GPHN: variants seen among roughly 807,000 people sequenced by gnomAD.
The protein encoded by GPHN is gephyrin.
Under a neutral mutation model 95.5 loss-of-function variants are expected in GPHN, and 17 were observed. The observed-to-expected ratio is 0.18, with a 90% CI of 0.12 to 0.27. The LOEUF (loss-of-function observed/expected upper bound fraction) is 0.27, where lower values mean the gene tolerates loss of function less well. GPHN is among the 10% of genes least tolerant of loss of function. GPHN has a pLI of 1.00. For missense variants in GPHN, 660 were observed against 978.1 expected (o/e 0.67, Z 4.34); for synonymous variants, 320 against 322.5 (o/e 0.99, Z 0.08).
At chr14:67,489,906 C>T in the GPHN span, among the ~76,000 whole-genome samples, 3 of 151,852 alleles carry the variant, frequency 2.0e-5, no homozygotes, top group Non-Finnish European at 4.4e-5. Flanking sequence ...AGGAGAATGG[C>T]GTGAACCTGG....
At chr14:67,352,040 T>C in the GPHN span, among the ~76,000 whole-genome samples, 1 of 151,922 alleles carries the variant, frequency 6.6e-6, no homozygotes, top group African/African-American at 2.4e-5. Flanking sequence ...ATCCCAGTGC[T>C]TTGGAAGGAT....
At chr14:67,508,135 C>CAAAAAAAAAAAAAAAAAAAA in the GPHN span, among the ~76,000 whole-genome samples, 9 of 130,628 alleles carry the variant, frequency 6.9e-5, no homozygotes, top group African/African-American at 2.7e-4. Context: ...AACTCCATCT[C>CAAAAAAAAAAAAAAAAAAAA]AAAAAAAAAA....
intron 8 of GPHN, among the ~76,000 whole-genome samples, chr14:66,960,441 G>A (rs2068819840): frequency 6.6e-6 from 1 of 151,876 alleles, no homozygotes; most frequent in South Asian, 2.1e-4. Flanking sequence ...TTCAGCAGTA[G>A]TAGTTATTTG....
chr14:66,570,354 G>C (rs918292584), intron 1 of GPHN, among the ~76,000 whole-genome samples: 2 of 127,748 alleles, frequency 1.6e-5, no homozygotes, highest in African/African-American at 6.0e-5. Flanking sequence ...GCCCAGGCTT[G>C]AGTGCAGTGG....
chr14:67,213,094 TG>T, the GPHN span, among the ~76,000 whole-genome samples: 8 of 135,450 alleles, frequency 5.9e-5, no homozygotes, highest in East Asian at 2.4e-4. Flanking sequence ...AATTCTGTGG[TG>T]TTTTTTTTTT....
At chr14:66,698,200 T>G (rs755949808) in intron 2 of GPHN, among the ~76,000 whole-genome samples, 3 of 152,132 alleles carry the variant, frequency 2.0e-5, no homozygotes, top group Non-Finnish European at 2.9e-5. Flanking sequence ...TGAAAAGGGA[T>G]ATGATGAATT....
At chr14:67,439,533 G>C in the GPHN span, among the ~76,000 whole-genome samples, 1,758 of 95,962 alleles carry the variant, frequency 0.018, 44 homozygotes, top group African/African-American at 0.081. Context: ...AAATTCAATA[G>C]TTTCTTTCTT....
chr14:67,359,135 G>A, the GPHN span, among the ~76,000 whole-genome samples: 1 of 152,194 alleles, frequency 6.6e-6, no homozygotes, highest in East Asian at 1.9e-4. Flanking sequence ...CTTGGAAAAT[G>A]AGTAAGGGGA....
chr14:67,188,721 CA>C, the GPHN span, among the ~76,000 whole-genome samples: 1 of 152,180 alleles, frequency 6.6e-6, no homozygotes, highest in Non-Finnish European at 1.5e-5. Context: ...GAACCACCAC[CA>C]GAGCCTAATA....
rs528578033 is a variant in GPHN at position 67,086,267 on chromosome 14, T to G, written c.1145-2716T>G. Among the ~76,000 whole-genome samples, 25 of 152,340 alleles carry G rather than the reference T, an allele frequency of 1.6e-4. 1 individual carries two copies. The South Asian group carries it at 5.2e-3, about 32-fold the overall frequency. On this transcript the variant is annotated intron_variant, in intron 11 of 22. Coordinates refer to ENST00000478722, the MANE Select transcript of GPHN (RefSeq NM_020806.5). The stretch of plus-strand genomic sequence containing the variant: ...TGGTAATTATGTTTAATTTTTTAAC[T>G]TGCAACTTTTTAAATGTGAGAGATA...
chr14:66,910,760 C>A (rs1344446047), intron 5 of GPHN, among the ~76,000 whole-genome samples: 1 of 151,950 alleles, frequency 6.6e-6, no homozygotes, highest in Non-Finnish European at 1.5e-5. Context: ...ATCCTAACTT[C>A]CAGGAAAGCA....
the GPHN span, chr14:67,678,135 GA>G: frequency 1.9e-6 from 1 of 535,612 alleles, no homozygotes; most frequent in African/African-American, 1.9e-5. Flanking sequence ...AGTAAATCTG[GA>G]CATGACAGAC....
At chr14:66,778,580 A>G (rs1313197374) in intron 3 of GPHN, among the ~76,000 whole-genome samples, 1 of 152,158 alleles carries the variant, frequency 6.6e-6, no homozygotes. Flanking sequence ...TTAAATTGTT[A>G]ACAATGACAT....
intron 1 of GPHN, among the ~76,000 whole-genome samples, chr14:66,559,473 A>C (rs914519995): frequency 6.8e-6 from 1 of 147,852 alleles, no homozygotes; most frequent in African/African-American, 2.6e-5. Flanking sequence ...TTTGATTTGC[A>C]TTTCTCTGAT....
intron 16 of GPHN, among the ~76,000 whole-genome samples, chr14:67,118,845 C>T (rs1038071408): frequency 3.3e-5 from 5 of 151,988 alleles, no homozygotes; most frequent in Admixed American, 1.3e-4. Context: ...TTATATTTTT[C>T]TTCTCAAGTG....
chr14:67,114,825 GTA>G (rs1479053537), intron 16 of GPHN, among the ~76,000 whole-genome samples: 2 of 152,182 alleles, frequency 1.3e-5, no homozygotes, highest in Non-Finnish European at 2.9e-5. Flanking sequence ...TATCCACAGA[GTA>G]TATTGTTAGT....
intron 2 of GPHN, among the ~76,000 whole-genome samples, chr14:66,765,585 G>A (rs2058934430): frequency 1.3e-5 from 2 of 152,152 alleles, no homozygotes; most frequent in Non-Finnish European, 2.9e-5. Context: ...TCAAAGACAG[G>A]AGCAACAGAC....
At chr14:67,200,300 C>T in the GPHN span, 8 of 684,190 alleles carry the variant, frequency 1.2e-5, no homozygotes, top group Non-Finnish European at 1.8e-5. Context: ...CCCCTCGAGG[C>T]CCGCTTTGGA....
chr14:67,026,270 G>C (rs2073917797), intron 10 of GPHN, among the ~76,000 whole-genome samples: 1 of 152,094 alleles, frequency 6.6e-6, no homozygotes, highest in Admixed American at 6.5e-5. Context: ...CTTATAGATT[G>C]TTACAAGGAT....
Sources: allele counts gnomAD v4.1 joint callset (sites outside exome capture counted in the v4.1 genomes callset), GRCh38; gene constraint gnomAD v4.1.1; transcripts MANE v1.5; gene names NCBI Gene and HGNC (gene_info 2026-07-23, HGNC 2026-07-21).